WDR70: variants seen among roughly 807,000 people sequenced by gnomAD.
The protein encoded by WDR70 is WD repeat domain 70.
WDR70 carries 53 observed loss-of-function variants against 88.6 expected under a neutral mutation model. The observed-to-expected ratio is 0.60, with a 90% CI of 0.48 to 0.75. WDR70 has a LOEUF of 0.75. Ranked by LOEUF, WDR70 falls within the 30% of genes least tolerant of loss-of-function variation. The probability of loss-of-function intolerance (pLI) is 0.00; values close to 1 mark genes in which losing one functional copy is unlikely to be tolerated. For missense variants in WDR70, 610 were observed against 823.2 expected (o/e 0.74, Z 3.17); for synonymous variants, 280 against 270.0 (o/e 1.04, Z -0.36).
intron 9 of WDR70, among the ~76,000 whole-genome samples, chr5:37,518,082 T>G (rs1260004387): frequency 1.3e-5 from 2 of 151,260 alleles, no homozygotes; most frequent in Admixed American, 6.6e-5. Flanking sequence ...GCCCAGCTAA[T>G]TTTTATATTT....
chr5:37,578,401 G>A (rs1477055137), intron 9 of WDR70, among the ~76,000 whole-genome samples: 1 of 152,158 alleles, frequency 6.6e-6, no homozygotes, highest in East Asian at 1.9e-4. Flanking sequence ...AAACCCACTA[G>A]TAGTGGATGT....
intron 8 of WDR70, among the ~76,000 whole-genome samples, chr5:37,481,359 G>A (rs1442366975): frequency 1.3e-5 from 2 of 152,116 alleles, no homozygotes; most frequent in Non-Finnish European, 2.9e-5. Flanking sequence ...GCAAACTTTT[G>A]CCTGGATTTT....
At chr5:37,417,949 G>A (rs1455732050) in intron 5 of WDR70, among the ~76,000 whole-genome samples, 1 of 152,170 alleles carries the variant, frequency 6.6e-6, no homozygotes, top group Non-Finnish European at 1.5e-5. Flanking sequence ...TTAAGTAAGT[G>A]CGCCATTAAG....
At chr5:37,470,141 A>AC (rs139920281) in intron 7 of WDR70, among the ~76,000 whole-genome samples, 65,911 of 151,434 alleles carry the variant, frequency 0.44, 16,650 homozygotes, top group Non-Finnish European at 0.56. Context: ...AAAAACAAAA[A>AC]AAAACGCACA....
intron 9 of WDR70, among the ~76,000 whole-genome samples, chr5:37,530,478 G>A (rs779896667): frequency 4.0e-5 from 6 of 151,486 alleles, no homozygotes; most frequent in Admixed American, 2.0e-4. Context: ...CTTCAGTCTC[G>A]CTGCTTATTA....
intron 9 of WDR70, among the ~76,000 whole-genome samples, chr5:37,599,151 A>C (rs1743789497): frequency 6.6e-6 from 1 of 152,242 alleles, no homozygotes; most frequent in South Asian, 2.1e-4. Flanking sequence ...GAATGAATCT[A>C]ACAAGGAAGA....
chr5:37,736,193 C>T (rs192648631), intron 17 of WDR70, among the ~76,000 whole-genome samples: 1 of 152,294 alleles, frequency 6.6e-6, no homozygotes, highest in African/African-American at 2.4e-5. Context: ...GTGTGGGAGC[C>T]TGGACCCTGG....
intron 3 of WDR70, among the ~76,000 whole-genome samples, chr5:37,382,280 A>G (rs1269759182): frequency 1.3e-5 from 2 of 149,050 alleles, no homozygotes; most frequent in Admixed American, 6.7e-5. Context: ...TTGTATTTTT[A>G]GTAGAGATGG....
rs1263682999 is a variant in WDR70, at chr5:37,449,609, AAT to A, written c.686+6239_686+6240del. 6.3e-3 allele frequency among the ~76,000 whole-genome samples: 432 copies of A among 68,510 alleles called. 6 individuals carry two copies. Among genetic ancestry groups the A allele is most frequent in the African/African-American group, 0.016 (413 of 25,458 alleles). 44.9% of individuals were successfully genotyped at this position (68,510 alleles called of 152,430 possible). ...TTGTCTCAAAAAAAAAAAAATAAAA[AAT>A]AAAAAATAAATAAATAAATAAATAA... On this transcript the variant is annotated intron_variant, in intron 7 of 17. Coordinates refer to ENST00000265107, the MANE Select transcript of WDR70 (RefSeq NM_018034.4).
intron 6 of WDR70, among the ~76,000 whole-genome samples, chr5:37,439,519 G>A (rs541264177): frequency 1.3e-3 from 198 of 151,250 alleles, no homozygotes; most frequent in African/African-American, 4.4e-3. Context: ...TCCTTTTTTC[G>A]TAAATCAAGT....
At chr5:37,544,990 T>C (rs1442473702) in intron 9 of WDR70, among the ~76,000 whole-genome samples, 1 of 152,166 alleles carries the variant, frequency 6.6e-6, no homozygotes, top group East Asian at 1.9e-4. Context: ...TCTTCTGTAT[T>C]TTAAGTATTT....
chr5:37,696,362 G>A (rs1024985055), intron 10 of WDR70, among the ~76,000 whole-genome samples: 1 of 152,150 alleles, frequency 6.6e-6, no homozygotes, highest in African/African-American at 2.4e-5. Flanking sequence ...CTTTTGTAAG[G>A]TGGTGTACTC....
chr5:37,495,805 T>G (rs1426699610), intron 8 of WDR70, among the ~76,000 whole-genome samples: 5 of 152,232 alleles, frequency 3.3e-5, no homozygotes, highest in Non-Finnish European at 7.3e-5. Flanking sequence ...TTAAGAATCC[T>G]TAGTTGAACT....
At chr5:37,721,395 T>TAC in intron 14 of WDR70, 180 bp downstream of exon 14, 2 of 606,026 alleles carry the variant, frequency 3.3e-6, no homozygotes, top group South Asian at 2.0e-5. Flanking sequence ...GATTTGAATA[T>TAC]TGCCCTTGAT....
intron 10 of WDR70, among the ~76,000 whole-genome samples, chr5:37,694,482 A>C (rs887628030): frequency 6.6e-6 from 1 of 152,198 alleles, no homozygotes; most frequent in Non-Finnish European, 1.5e-5. Flanking sequence ...GATTAAGAAA[A>C]TGTGGCACAT....
chr5:37,543,725 G>GA (rs35715689), intron 9 of WDR70, among the ~76,000 whole-genome samples: 24,121 of 151,444 alleles, frequency 0.16, 3,118 homozygotes, highest in African/African-American at 0.36. Flanking sequence ...TTGAGATAGA[G>GA]AAAAAAAGGG....
At chr5:37,506,517 C>G (rs1323081667) in intron 8 of WDR70, 1 of 769,790 alleles carries the variant, frequency 1.3e-6, no homozygotes, top group Admixed American at 1.7e-5. Context: ...GGCCAGCATA[C>G]TGTCAGGTTC....
intron 9 of WDR70, among the ~76,000 whole-genome samples, chr5:37,602,207 T>TTAAAG (rs1477627418): frequency 6.6e-6 from 1 of 151,844 alleles, no homozygotes; most frequent in Non-Finnish European, 1.5e-5. Context: ...ACCCCAGAAC[T>TTAAAG]TAAAGTATAT....
chr5:37,396,069 C>T (rs993292862), intron 4 of WDR70, among the ~76,000 whole-genome samples: 7 of 152,150 alleles, frequency 4.6e-5, no homozygotes, highest in Non-Finnish European at 8.8e-5. Context: ...AAAGTGCTGG[C>T]GTTACAGGTG....
Sources: gnomAD v4.1 joint callset for allele counts (sites outside exome capture counted in the v4.1 genomes callset) on GRCh38, gnomAD v4.1.1 for gene constraint, MANE v1.5 for transcripts, NCBI Gene and HGNC (gene_info 2026-07-23, HGNC 2026-07-21) for gene names.